Variants in INPP5B observed in about 807,000 individuals in gnomAD.
INPP5B encodes the protein inositol polyphosphate-5-phosphatase B, also known as type II inositol 1,4,5-trisphosphate 5-phosphatase.
A neutral mutation model predicts 118.5 loss-of-function variants in INPP5B; 90 were observed. The ratio of observed to expected loss-of-function variants is 0.76; its 90% CI spans 0.64 to 0.90. INPP5B has a LOEUF of 0.90. Ranked by LOEUF, INPP5B falls within the 40% of genes least tolerant of loss-of-function variation. The pLI, the probability that INPP5B is intolerant of heterozygous loss-of-function variation, is 0.00. For missense variants in INPP5B, 984 were observed against 1,125.6 expected (o/e 0.87, Z 1.80); for synonymous variants, 385 against 418.9 (o/e 0.92, Z 0.99).
At chr1:37,927,495 G>C (rs1463970640) in intron 7 of INPP5B, among the ~76,000 whole-genome samples, 1 of 151,854 alleles carries the variant, frequency 6.6e-6, no homozygotes, top group Non-Finnish European at 1.5e-5. Flanking sequence ...TGAAGACGTG[G>C]ATTCCAGTCT....
chr1:37,878,124 T>TGGTCTTA (rs1642955180), intron 16 of INPP5B, 64 bp downstream of exon 16: 2 of 1,555,870 alleles, frequency 1.3e-6, no homozygotes, highest in Admixed American at 3.6e-5. Context: ...AGACAAGAAA[T>TGGTCTTA]GGTCTTAGTT....
chr1:37,880,668 C>T (rs1372922418), intron 14 of INPP5B, among the ~76,000 whole-genome samples: 1 of 152,012 alleles, frequency 6.6e-6, no homozygotes, highest in African/African-American at 2.4e-5. Flanking sequence ...GAACTCCTGA[C>T]GTGATCCACC....
At chr1:37,889,453 TAGA>T in intron 9 of INPP5B, 101 bp downstream of exon 9, 3 of 826,054 alleles carry the variant, frequency 3.6e-6, no homozygotes, top group South Asian at 1.9e-5. Context: ...AGAGATTCTA[TAGA>T]AGAGTATGTC....
chr1:37,871,933 G>A (rs1373012128), intron 19 of INPP5B, among the ~76,000 whole-genome samples: 2 of 151,030 alleles, frequency 1.3e-5, no homozygotes, highest in East Asian at 1.9e-4. Flanking sequence ...GTGGTGGTGT[G>A]CATGCCTGTA....
Position 37,866,348 on chromosome 1 carries a change from TA to T in INPP5B, c.2386+110del, listed in dbSNP as rs1379599712. The T allele has an allele frequency of 4.2e-5, 27 of 644,862 alleles. 1 individual carries two copies. Among genetic ancestry groups the T allele is most frequent in the Non-Finnish European group, 6.1e-5 (22 of 360,678 alleles). The allele number at this position is 644,862 out of a possible 1,614,324, so 39.9% of individuals were successfully genotyped here. A position where few individuals can be genotyped will look rare whatever the true frequency, so the allele number is the denominator to read the frequency against. On this transcript the variant is annotated intron_variant, in intron 21 of 23. Coordinates refer to ENST00000373024, the MANE Select transcript of INPP5B (RefSeq NM_005540.3). ...GGATACAATATCAGATTTTGAGCCA[TA>T]AAATACTTTACTTTTTCTCACCCCT...
chr1:37,868,038 G>A (rs1002550830), intron 20 of INPP5B, among the ~76,000 whole-genome samples: 9 of 152,102 alleles, frequency 5.9e-5, no homozygotes, highest in Non-Finnish European at 1.2e-4. Flanking sequence ...GGTACTACAC[G>A]TAATAGCAGG....
intron 9 of INPP5B, among the ~76,000 whole-genome samples, chr1:37,888,843 A>G (rs1036766672): frequency 6.6e-6 from 1 of 152,202 alleles, no homozygotes; most frequent in Admixed American, 6.5e-5. Flanking sequence ...GCTTTTAGTA[A>G]TCTTGCCTAA....
At chr1:37,920,387 G>A (rs771812496) in intron 7 of INPP5B, among the ~76,000 whole-genome samples, 7 of 152,120 alleles carry the variant, frequency 4.6e-5, no homozygotes, top group Admixed American at 3.3e-4. Flanking sequence ...GAATGTGGCC[G>A]GGAGCGGTGG....
At chr1:37,934,236 A>G (rs1228865689) in intron 6 of INPP5B, among the ~76,000 whole-genome samples, 5 of 152,070 alleles carry the variant, frequency 3.3e-5, no homozygotes, top group Non-Finnish European at 5.9e-5. Flanking sequence ...TCCGGCCCCT[A>G]TTACTTCAAT....
At chr1:37,946,589 A>G (rs953689556) in intron 1 of INPP5B, among the ~76,000 whole-genome samples, 4 of 152,180 alleles carry the variant, frequency 2.6e-5, no homozygotes, top group Middle Eastern at 3.4e-3. Context: ...GAGGGCATCC[A>G]GTTGCTCTTG....
At chr1:37,928,367 T>G (rs143589401) in intron 7 of INPP5B, among the ~76,000 whole-genome samples, 1,667 of 151,558 alleles carry the variant, frequency 0.011, 34 homozygotes, top group African/African-American at 0.039. Context: ...GTTTTTTTGT[T>G]TTGTTTTGTT....
chr1:37,862,440 A>G lies in INPP5B; in HGVS notation c.2627-10T>C. 1.3e-6 allele frequency: 2 copies of G among 1,534,326 alleles called. No individual in the cohort carries two copies. The highest frequency in any genetic ancestry group is 2.2e-5 in the South Asian group (2 of 89,286). On this transcript the variant is annotated splice_polypyrimidine_tract_variant and intron_variant, in intron 23 of 23. Transcript: ENST00000373024. ...CTGCCAAATATGCTAGCTGCAAGAA[A>G]AAACACAGAAAAGAAATGATTCAGC...
intron 5 of INPP5B, among the ~76,000 whole-genome samples, chr1:37,943,243 G>GC (rs998301940): frequency 3.2e-4 from 48 of 151,724 alleles, no homozygotes; most frequent in East Asian, 1.4e-3. Flanking sequence ...CGTGATCTTG[G>GC]CCCCCCCAAA....
At chr1:37,939,734 C>T (rs1048343013) in intron 6 of INPP5B, among the ~76,000 whole-genome samples, 15 of 151,650 alleles carry the variant, frequency 9.9e-5, no homozygotes, top group South Asian at 2.1e-4. Context: ...TGAGCCACCG[C>T]GCCCGGCCTG....
chr1:37,892,565 C>T (rs1277221795), intron 7 of INPP5B, among the ~76,000 whole-genome samples: 7 of 152,154 alleles, frequency 4.6e-5, no homozygotes, highest in Non-Finnish European at 8.8e-5. Flanking sequence ...AGGAATGAAA[C>T]ACCACTGAAG....
intron 7 of INPP5B, among the ~76,000 whole-genome samples, chr1:37,893,239 T>C (rs567419415): frequency 4.6e-5 from 7 of 151,842 alleles, no homozygotes; most frequent in Admixed American, 4.6e-4. Context: ...CAAGCCACCA[T>C]GCCCAGCTAA....
chr1:37,914,653 A>T (rs1160876579), intron 7 of INPP5B, among the ~76,000 whole-genome samples: 1 of 152,178 alleles, frequency 6.6e-6, no homozygotes, highest in Non-Finnish European at 1.5e-5. Context: ...TCAGTTCAGG[A>T]GTTATCTTCA....
At chr1:37,937,315 A>T (rs1341652342) in intron 6 of INPP5B, among the ~76,000 whole-genome samples, 1 of 151,812 alleles carries the variant, frequency 6.6e-6, no homozygotes, top group Non-Finnish European at 1.5e-5. Flanking sequence ...CGTCTCACAA[A>T]AAATAAATAA....
intron 16 of INPP5B, 61 bp from the exon 17 acceptor site, chr1:37,875,777 A>G: frequency 8.3e-7 from 1 of 1,208,272 alleles, no homozygotes; most frequent in Non-Finnish European, 1.2e-6. Flanking sequence ...CTTTCTCAGT[A>G]TAGACGGCAT....
Sources: allele counts gnomAD v4.1 joint callset (sites outside exome capture counted in the v4.1 genomes callset), GRCh38; gene constraint gnomAD v4.1.1; transcripts MANE v1.5; gene names NCBI Gene and HGNC (gene_info 2026-07-23, HGNC 2026-07-21).